Variants in MAP3K5 observed in about 807,000 individuals in gnomAD.
The protein encoded by MAP3K5 is mitogen-activated protein kinase kinase kinase 5.
Under a neutral mutation model 158.7 loss-of-function variants are expected in MAP3K5, and 56 were observed. The ratio of observed to expected loss-of-function variants is 0.35; its 90% CI spans 0.28 to 0.44. The LOEUF (loss-of-function observed/expected upper bound fraction) is 0.44, where lower values mean the gene tolerates loss of function less well. Ranked by LOEUF, MAP3K5 falls within the 20% of genes least tolerant of loss-of-function variation. MAP3K5 has a pLI of 1.00. For synonymous variants in MAP3K5, 579 were observed against 601.7 expected, an observed-to-expected ratio of 0.96 and a Z score of 0.55; for missense variants, 1,294 against 1,674.8, an observed-to-expected ratio of 0.77 and a Z score of 3.97.
At chr6:136,558,618 G>T (rs545897351) in intron 29 of MAP3K5, among the ~76,000 whole-genome samples, 182 bp downstream of exon 29, 1 of 152,186 alleles carries the variant, frequency 6.6e-6, no homozygotes, top group Non-Finnish European at 1.5e-5. Context: ...AGAAATATTG[G>T]TTATTAGAGC....
intron 7 of MAP3K5, among the ~76,000 whole-genome samples, chr6:136,676,431 A>AT (rs1779705003): frequency 6.6e-6 from 1 of 152,222 alleles, no homozygotes. Context: ...AGTGAATTGC[A>AT]TATCACTTTC....
chr6:136,596,153 A>C (rs1775620730), intron 21 of MAP3K5, among the ~76,000 whole-genome samples: 2 of 152,190 alleles, frequency 1.3e-5, no homozygotes, highest in Admixed American at 1.3e-4. Context: ...CCGGCCCTTA[A>C]GAATGCCAAT....
chr6:136,589,412 T>C (rs186925574), intron 23 of MAP3K5, among the ~76,000 whole-genome samples: 278 of 152,320 alleles, frequency 1.8e-3, no homozygotes, highest in Non-Finnish European at 2.8e-3. Flanking sequence ...TGAGTGTGTC[T>C]GTGGGAGGTT....
At chr6:136,729,817 C>T (rs543337400) in intron 1 of MAP3K5, among the ~76,000 whole-genome samples, 7 of 152,214 alleles carry the variant, frequency 4.6e-5, no homozygotes, top group African/African-American at 1.4e-4. Context: ...TCCGAGAGAG[C>T]GTGTCCCTCA....
chr6:136,751,371 G>A (rs1044871793), intron 1 of MAP3K5, among the ~76,000 whole-genome samples: 5 of 152,140 alleles, frequency 3.3e-5, no homozygotes, highest in African/African-American at 1.2e-4. Context: ...CTAGCATTAA[G>A]GAAACACTCA....
chr6:136,669,751 G>T (rs1156975706), intron 7 of MAP3K5, among the ~76,000 whole-genome samples: 2 of 152,152 alleles, frequency 1.3e-5, no homozygotes, highest in Non-Finnish European at 2.9e-5. Flanking sequence ...TATACAGTAT[G>T]ATATGGAATA....
In MAP3K5 at chr6:136,763,387, T is replaced by G. The variant is rs534328258; in HGVS notation, c.448+28323A>C. On this transcript the variant is annotated intron_variant, in intron 1 of 29. Transcript: ENST00000359015. ...AGCTGTCTTGTCTCTGTTCAACCAT[T>G]TAATCTCAATATGCCCAAAGATGTG... is the stretch of plus-strand genomic sequence containing the variant. 1.6e-4 allele frequency among the ~76,000 whole-genome samples: 25 copies of G among 152,266 alleles called. No individual in the cohort carries two copies. The South Asian group carries it at 5.2e-3, about 32-fold the overall frequency.
chr6:136,662,282 T>C (rs1193957206), intron 8 of MAP3K5, among the ~76,000 whole-genome samples: 1 of 152,228 alleles, frequency 6.6e-6, no homozygotes, highest in South Asian at 2.1e-4. Context: ...TGAGGGGGAC[T>C]ATCACGTGCA....
In MAP3K5 at chr6:136,656,403, G is replaced by A; in HGVS notation, c.1584C>T (p.Thr528=). Residue 528 remains threonine (T), a synonymous_variant, in exon 10 of 30, where the codon ACC becomes ACT. Transcript: ENST00000359015. ...ILIYKHFVKL[T]TEQPVAKQEL... ...CTTGCTTGGCCACAGGCTGTTCTGT[G>A]GTCAGTTTCACAAAATGCTTATATA... 6.2e-7 allele frequency: 1 copy of A among 1,609,722 alleles called. No homozygotes were observed. The highest frequency in any genetic ancestry group is 1.7e-4 in the Middle Eastern group (1 of 6,042).
At chr6:136,663,211 G>A (rs1298748943) in intron 8 of MAP3K5, among the ~76,000 whole-genome samples, 1 of 152,194 alleles carries the variant, frequency 6.6e-6, no homozygotes, top group East Asian at 1.9e-4. Flanking sequence ...CACCTTATAA[G>A]TGGTGGAGGT....
chr6:136,613,280 A>C lies in MAP3K5; in HGVS notation c.2279-24T>G. On this transcript the variant is annotated intron_variant, in intron 16 of 29. Transcript: ENST00000359015. This position sits in a 1 kb window ranked among gnomAD's most constrained non-coding sequence, Gnocchi z 4.0. ...TCCTGTAAAGTAGGGATAAATAGTAAATAAATCCTCATTCAAATGAGCTCT... is the reference window on the plus strand; with the variant it reads ...TCCTGTAAAGTAGGGATAAATAGTACATAAATCCTCATTCAAATGAGCTCT... 1 of 1,598,912 alleles carries C rather than the reference A, an allele frequency of 6.3e-7. No homozygotes were observed. Among genetic ancestry groups the C allele is most frequent in the Non-Finnish European group, 8.5e-7 (1 of 1,172,576 alleles).
intron 15 of MAP3K5, among the ~76,000 whole-genome samples, chr6:136,616,494 G>A (rs941362799): frequency 1.3e-5 from 2 of 151,544 alleles, no homozygotes; most frequent in Non-Finnish European, 2.9e-5. Context: ...TAGTAGAGAC[G>A]GAGTTTCACC....
chr6:136,696,292 C>A (rs1018175350), intron 5 of MAP3K5, among the ~76,000 whole-genome samples: 4 of 152,084 alleles, frequency 2.6e-5, no homozygotes, highest in African/African-American at 9.7e-5. Flanking sequence ...TGAACAAAAA[C>A]TAAAAAAGCA....
At chr6:136,751,232 C>T (rs1405310120) in intron 1 of MAP3K5, among the ~76,000 whole-genome samples, 2 of 151,840 alleles carry the variant, frequency 1.3e-5, no homozygotes, top group African/African-American at 2.4e-5. Flanking sequence ...AACCTTCCCA[C>T]ACATGTTAAG....
intron 1 of MAP3K5, among the ~76,000 whole-genome samples, chr6:136,786,178 C>T (rs1344741062): frequency 6.6e-6 from 1 of 152,010 alleles, no homozygotes; most frequent in African/African-American, 2.4e-5. Flanking sequence ...GAGTTTGAGA[C>T]CAGTCTGGCC....
chr6:136,651,650 C>T (rs1020421843), intron 10 of MAP3K5, among the ~76,000 whole-genome samples: 4 of 152,168 alleles, frequency 2.6e-5, no homozygotes, highest in African/African-American at 7.2e-5. Flanking sequence ...ATAATAAACA[C>T]GTTTTTGCAC....
chr6:136,583,632 T>G lies in MAP3K5; in HGVS notation c.3334A>C (p.Lys1112Gln). The G allele has an allele frequency of 6.2e-7, 1 of 1,614,198 alleles. No homozygotes were observed. Among genetic ancestry groups the G allele is most frequent in the Non-Finnish European group, 8.5e-7 (1 of 1,180,026 alleles). The change falls in exon 24 of 30, where the codon AAG (lysine) becomes CAG (glutamine). Residue 1112 changes from lysine to glutamine, a missense_variant. Lys to Gln is a moderately conservative substitution (Grantham distance 53, BLOSUM62 1). This residue lies in a region of MAP3K5 where 362 missense variants were observed against 463.2 expected (regional missense o/e 0.78). Coordinates refer to ENST00000359015, the MANE Select transcript of MAP3K5 (RefSeq NM_005923.4). ...TCGAAGTCCAGCTCCAGTTTCAGCT[T>G]TGACAGTGTGGTGGCTATGATTTTT... The part of the protein sequence containing the change: ...DRKIIATTLS[K>Q]LKLELDFDSH...
In MAP3K5 at chr6:136,694,394, T is replaced by A. The variant is rs1465451647; in HGVS notation, c.1083-84A>T. 9.0e-5 allele frequency: 98 copies of A among 1,092,010 alleles called. 1 individual carries two copies. In the East Asian group the frequency reaches 2.4e-3, roughly 27 times the overall value. The allele number at this position is 1,092,010 out of a possible 1,614,324, so 67.6% of individuals were successfully genotyped here. On this transcript the variant is annotated intron_variant, in intron 6 of 29. Transcript: ENST00000359015. Reference sequence around the variant, plus strand: ...TTTTTTAAAAACCCTATTTAACATGTTGATTCATATTAGAGAAATTTGCCA... The same window carrying A: ...TTTTTTAAAAACCCTATTTAACATGATGATTCATATTAGAGAAATTTGCCA...
chr6:136,681,521 T>C (rs1779932227), intron 7 of MAP3K5, among the ~76,000 whole-genome samples: 2 of 152,248 alleles, frequency 1.3e-5, no homozygotes, highest in South Asian at 4.1e-4. Context: ...TAGTCATGGA[T>C]ACTTCAGAGG....
Sources: allele counts gnomAD v4.1 joint callset (sites outside exome capture counted in the v4.1 genomes callset), GRCh38; gene constraint gnomAD v4.1.1; regional missense constraint gnomAD v4.1.1; non-coding constraint Gnocchi (gnomAD v3.1); transcripts MANE v1.5; gene names NCBI Gene and HGNC (gene_info 2026-07-23, HGNC 2026-07-21).